Variants in GPC5 observed in about 807,000 individuals in gnomAD.
GPC5 encodes the protein glypican-5.
In GPC5, 47 loss-of-function variants were observed where a neutral mutation model predicts 53.9. The observed-to-expected ratio is 0.87, with a 90% CI of 0.69 to 1.11. GPC5 has a LOEUF of 1.11. Among genes scored for constraint, GPC5 ranks in the 50% most tolerant of loss-of-function variants. The pLI, the probability that GPC5 is intolerant of heterozygous loss-of-function variation, is 0.00. For synonymous variants in GPC5, 286 were observed against 263.3 expected, an observed-to-expected ratio of 1.09 and a Z score of -0.84; for missense variants, 748 against 713.1, an observed-to-expected ratio of 1.05 and a Z score of -0.56.
chr13:91,462,245 A>G (rs1409216865), intron 2 of GPC5, among the ~76,000 whole-genome samples: 2 of 152,146 alleles, frequency 1.3e-5, no homozygotes, highest in Non-Finnish European at 2.9e-5. Context: ...TTTTGACGTC[A>G]CTTATTCATT....
intron 2 of GPC5, among the ~76,000 whole-genome samples, chr13:91,614,281 T>C (rs2033637320): frequency 6.6e-6 from 1 of 152,322 alleles, no homozygotes; most frequent in Non-Finnish European, 1.5e-5. Flanking sequence ...TGTTCTTTTG[T>C]AGGTTTGGTA....
intron 7 of GPC5, among the ~76,000 whole-genome samples, chr13:92,521,843 T>C (rs9516086): frequency 0.57 from 86,327 of 151,846 alleles, 25,300 homozygotes; most frequent in East Asian, 0.75. Context: ...AACAGGCAAC[T>C]TACAGAATGG....
At chr13:92,732,059 A>AT (rs1160703520) in intron 7 of GPC5, among the ~76,000 whole-genome samples, 9 of 150,822 alleles carry the variant, frequency 6.0e-5, no homozygotes, top group Admixed American at 1.3e-4. Context: ...GAGTGCTTTA[A>AT]TTTTTTTTTA....
At chr13:92,737,818 G>A (rs1888980922) in intron 7 of GPC5, among the ~76,000 whole-genome samples, 1 of 135,138 alleles carries the variant, frequency 7.4e-6, no homozygotes, top group East Asian at 2.3e-4. Flanking sequence ...CCAGGCTGGA[G>A]TACAATGGCG....
chr13:92,338,781 T>A (rs71427558), intron 7 of GPC5, among the ~76,000 whole-genome samples: 1 of 152,012 alleles, frequency 6.6e-6, no homozygotes, highest in East Asian at 1.9e-4. Context: ...TATAGGGAAC[T>A]GAAATCATTT....
chr13:91,885,064 A>C (rs1352535060), intron 5 of GPC5, among the ~76,000 whole-genome samples: 1 of 152,198 alleles, frequency 6.6e-6, no homozygotes, highest in African/African-American at 2.4e-5. Flanking sequence ...TAAATCTTCC[A>C]ATTAACTGAA....
intron 6 of GPC5, among the ~76,000 whole-genome samples, chr13:91,932,504 A>G (rs938701332): frequency 2.6e-5 from 4 of 152,062 alleles, no homozygotes; most frequent in African/African-American, 9.7e-5. Flanking sequence ...CAGGCCCTCA[A>G]GCTCAACACA....
chr13:92,088,239 T>C (rs1472256961), intron 6 of GPC5, among the ~76,000 whole-genome samples: 1 of 152,180 alleles, frequency 6.6e-6, no homozygotes, highest in Non-Finnish European at 1.5e-5. Flanking sequence ...CTCCTTTCAC[T>C]CAAAGTACCC....
chr13:92,199,469 A>T (rs1211913518), intron 7 of GPC5, among the ~76,000 whole-genome samples: 1 of 152,164 alleles, frequency 6.6e-6, no homozygotes, highest in African/African-American at 2.4e-5. Context: ...TTTGAGATAA[A>T]ATTGAATAAT....
At chr13:92,274,681 C>T (rs1214079292) in intron 7 of GPC5, among the ~76,000 whole-genome samples, 1 of 152,124 alleles carries the variant, frequency 6.6e-6, no homozygotes, top group Non-Finnish European at 1.5e-5. Context: ...CATGTATAAG[C>T]TCACACCATT....
intron 5 of GPC5, among the ~76,000 whole-genome samples, chr13:91,779,097 T>C (rs1445013514): frequency 6.6e-6 from 1 of 152,202 alleles, no homozygotes; most frequent in Non-Finnish European, 1.5e-5. Flanking sequence ...GTCCAGTGAA[T>C]GTGAAGGTCT....
At chr13:92,128,130 G>A (rs189985436) in intron 6 of GPC5, among the ~76,000 whole-genome samples, 4 of 152,026 alleles carry the variant, frequency 2.6e-5, no homozygotes, top group African/African-American at 7.2e-5. Flanking sequence ...CCTATTCTTC[G>A]GGTTTCCTCT....
At chr13:92,865,339 CTGTA>C (rs1879305260) in intron 7 of GPC5, among the ~76,000 whole-genome samples, 2 of 152,132 alleles carry the variant, frequency 1.3e-5, no homozygotes, top group African/African-American at 4.8e-5. Context: ...ATCCTCACAG[CTGTA>C]TGTGTGTATG....
At chr13:92,356,313 C>G (rs1361944930) in intron 7 of GPC5, among the ~76,000 whole-genome samples, 1 of 152,048 alleles carries the variant, frequency 6.6e-6, no homozygotes, top group Non-Finnish European at 1.5e-5. Flanking sequence ...AAACCTAGAC[C>G]AAGTGGGCAT....
In GPC5 at chr13:92,487,461, A is replaced by T. The variant is rs144243611; in HGVS notation, c.1561+342472A>T. Among the ~76,000 whole-genome samples, 467 of 152,322 alleles carry T rather than the reference A, an allele frequency of 3.1e-3. 1 individual carries two copies. Among genetic ancestry groups the T allele is most frequent in the African/African-American group, 0.011 (454 of 41,574 alleles). ...ATTCACCAAAGGCATGTCATGATGT[A>T]CCATGTGCCTTTTGAGATGGGATAA... On this transcript the variant is annotated intron_variant, in intron 7 of 7. Transcript: ENST00000377067.
intron 3 of GPC5, among the ~76,000 whole-genome samples, chr13:91,701,722 A>G (rs987176929): frequency 6.6e-6 from 1 of 152,110 alleles, no homozygotes; most frequent in African/African-American, 2.4e-5. Flanking sequence ...TTGATTCTGT[A>G]TCTTGACTAT....
chr13:91,621,866 G>A (rs1383487224), intron 2 of GPC5, among the ~76,000 whole-genome samples: 1 of 150,444 alleles, frequency 6.6e-6, no homozygotes, highest in Non-Finnish European at 1.5e-5. Flanking sequence ...AAGCTGAAGA[G>A]CAAGGAAGCC....
intron 6 of GPC5, among the ~76,000 whole-genome samples, chr13:92,131,787 A>G (rs1028580333): frequency 6.6e-6 from 1 of 151,948 alleles, no homozygotes; most frequent in African/African-American, 2.4e-5. Context: ...ACCTATGTGA[A>G]AATTCAATAA....
chr13:92,608,723 C>T (rs184973603), intron 7 of GPC5, among the ~76,000 whole-genome samples: 9 of 152,228 alleles, frequency 5.9e-5, no homozygotes, highest in African/African-American at 1.9e-4. Context: ...TGTTCCTGCC[C>T]GTGACTCCAC....
Sources: gnomAD v4.1 joint callset for allele counts (sites outside exome capture counted in the v4.1 genomes callset) on GRCh38, gnomAD v4.1.1 for gene constraint, MANE v1.5 for transcripts, NCBI Gene and HGNC (gene_info 2026-07-23, HGNC 2026-07-21) for gene names.